Variants in PRKCB observed in about 807,000 individuals in gnomAD.
The protein encoded by PRKCB is protein kinase C beta type.
PRKCB carries 13 observed loss-of-function variants against 81.5 expected under a neutral mutation model. That is an observed-to-expected ratio of 0.16 (90% confidence interval 0.10 to 0.25). PRKCB has a LOEUF of 0.25. PRKCB is among the 10% of genes least tolerant of loss of function. The pLI, the probability that PRKCB is intolerant of heterozygous loss-of-function variation, is 1.00. For synonymous variants in PRKCB, 335 were observed against 321.4 expected (o/e 1.04, Z -0.45); for missense variants, 509 against 875.7 (o/e 0.58, Z 5.29).
At chr16:24,177,679 C>T (rs1417490737) in intron 12 of PRKCB, among the ~76,000 whole-genome samples, 1 of 152,104 alleles carries the variant, frequency 6.6e-6, no homozygotes, top group Non-Finnish European at 1.5e-5. Flanking sequence ...AGAAGAGGGT[C>T]TTAATAGCAA....
chr16:24,112,589 T>A (rs1374852093), intron 7 of PRKCB, among the ~76,000 whole-genome samples: 17 of 152,104 alleles, frequency 1.1e-4, no homozygotes, highest in Admixed American at 1.0e-3. Flanking sequence ...CGATGAGGGA[T>A]CTTCATAGCA....
intron 2 of PRKCB, among the ~76,000 whole-genome samples, chr16:23,867,858 G>A (rs1427946976): frequency 1.3e-5 from 2 of 152,152 alleles, no homozygotes; most frequent in Non-Finnish European, 2.9e-5. Context: ...TTCCCTGTTA[G>A]CCAAACACTT....
chr16:23,975,737 AAAT>A (rs1411812140), intron 2 of PRKCB, among the ~76,000 whole-genome samples: 1 of 152,186 alleles, frequency 6.6e-6, no homozygotes, highest in Non-Finnish European at 1.5e-5. Context: ...CCAAGCTCCT[AAAT>A]AATAATAATA....
At chr16:23,976,673 A>G (rs1964631745) in intron 2 of PRKCB, among the ~76,000 whole-genome samples, 1 of 152,200 alleles carries the variant, frequency 6.6e-6, no homozygotes, top group South Asian at 2.1e-4. Flanking sequence ...CTGCTGCTGG[A>G]TATGGCTGGT....
At chr16:23,953,004 T>A (rs1037052297) in intron 2 of PRKCB, among the ~76,000 whole-genome samples, 4 of 152,188 alleles carry the variant, frequency 2.6e-5, no homozygotes, top group Non-Finnish European at 5.9e-5. Flanking sequence ...GAGGGGCATT[T>A]ATTCATTGCT....
At chr16:24,185,605 C>T in intron 15 of PRKCB, 38 bp downstream of exon 15, 1 of 1,545,782 alleles carries the variant, frequency 6.5e-7, no homozygotes, top group Non-Finnish European at 8.9e-7. Flanking sequence ...AGGACCACCA[C>T]ATAAAGGCAT....
At chr16:23,920,128 G>A (rs1248077808) in intron 2 of PRKCB, among the ~76,000 whole-genome samples, 3 of 152,266 alleles carry the variant, frequency 2.0e-5, no homozygotes. Flanking sequence ...CAGTGCACAA[G>A]GATTTTTCCA....
intron 2 of PRKCB, among the ~76,000 whole-genome samples, chr16:23,885,458 G>A (rs776479981): frequency 3.3e-5 from 5 of 152,016 alleles, no homozygotes; most frequent in African/African-American, 1.2e-4. Context: ...ATAGGCGCCC[G>A]CCACCACGCC....
At chr16:23,882,930 G>A (rs1309879870) in intron 2 of PRKCB, among the ~76,000 whole-genome samples, 2 of 152,010 alleles carry the variant, frequency 1.3e-5, no homozygotes, top group Non-Finnish European at 2.9e-5. Context: ...TCCTGAAGTG[G>A]AATTGCTGAT....
intron 2 of PRKCB, among the ~76,000 whole-genome samples, chr16:23,957,097 T>C (rs1377645216): frequency 6.6e-6 from 1 of 151,880 alleles, no homozygotes; most frequent in Non-Finnish European, 1.5e-5. Flanking sequence ...ACAGTTTCAA[T>C]TATGTAAAAA....
chr16:24,006,432 C>T (rs746335381), intron 3 of PRKCB, among the ~76,000 whole-genome samples: 5 of 152,208 alleles, frequency 3.3e-5, no homozygotes, highest in East Asian at 1.9e-4. Context: ...GCTCCCCATC[C>T]GAGGATAGTA....
chr16:24,118,167 C>T (rs752157924), intron 8 of PRKCB, among the ~76,000 whole-genome samples: 1 of 152,208 alleles, frequency 6.6e-6, no homozygotes, highest in Non-Finnish European at 1.5e-5. Flanking sequence ...AGTTCTGCCA[C>T]CTCCTTGCTG....
chr16:23,996,580 G>A (rs1354923907), intron 3 of PRKCB, among the ~76,000 whole-genome samples: 1 of 152,198 alleles, frequency 6.6e-6, no homozygotes, highest in Non-Finnish European at 1.5e-5. Flanking sequence ...TAGACATGCT[G>A]GATACAGATT....
In PRKCB at chr16:24,219,091, T is replaced by C. The variant is rs1968278673; in HGVS notation, c.*4275T>C. ...GGACCCTGAAGAGGTCGGAGCATCATACAGATTCCTTTATTAGCCCACATT... is the reference window on the plus strand; with the variant it reads ...GGACCCTGAAGAGGTCGGAGCATCACACAGATTCCTTTATTAGCCCACATT... On this transcript the variant is annotated 3_prime_UTR_variant, in exon 17 of 17. Transcript: ENST00000643927. The C allele has an allele frequency of 1.0e-6, 1 of 985,322 alleles. No homozygotes were observed. The highest frequency in any genetic ancestry group is 1.7e-5 in the African/African-American group (1 of 57,216). 61.0% of individuals were successfully genotyped at this position (985,322 alleles called of 1,614,324 possible). A position where few individuals can be genotyped will look rare whatever the true frequency, so the allele number is the denominator to read the frequency against.
chr16:24,012,810 C>T (rs146689466), intron 3 of PRKCB, among the ~76,000 whole-genome samples: 3 of 152,230 alleles, frequency 2.0e-5, no homozygotes, highest in East Asian at 1.9e-4. Flanking sequence ...CGTGCTCTGG[C>T]GTCAGGGTCC....
intron 8 of PRKCB, among the ~76,000 whole-genome samples, chr16:24,117,351 G>T (rs551089295): frequency 1.7e-4 from 26 of 152,306 alleles, no homozygotes; most frequent in Middle Eastern, 3.4e-3. Context: ...TTTGCTTAGG[G>T]GGCTTTCAGT....
chr16:24,154,917 A>G, intron 10 of PRKCB, 60 bp downstream of exon 10: 1 of 1,549,204 alleles, frequency 6.5e-7, no homozygotes, highest in Admixed American at 1.9e-5. Flanking sequence ...CTTTGGCCAA[A>G]GCTATCTTAG....
At position 24,219,313 on chromosome 16, in the gene PRKCB, TTC is replaced by T; in HGVS notation, c.*4503_*4504del. ...CACACCCTCCTTTAAGCTTTGGGTT[TTC>T]TCTCTTATAGTTTGTTGACACATGC... On this transcript the variant is annotated 3_prime_UTR_variant, in exon 17 of 17. Coordinates refer to ENST00000643927, the MANE Select transcript of PRKCB (RefSeq NM_002738.7). 1.0e-6 allele frequency: 1 copy of T among 965,912 alleles called. No homozygotes were observed. Among genetic ancestry groups the T allele is most frequent in the African/African-American group, 2.0e-5 (1 of 49,438 alleles). The allele number at this position is 965,912 out of a possible 1,614,324, so 59.8% of individuals were successfully genotyped here. A position where few individuals can be genotyped will look rare whatever the true frequency, so the allele number is the denominator to read the frequency against.
intron 2 of PRKCB, among the ~76,000 whole-genome samples, chr16:23,929,024 A>G (rs1313609779): frequency 5.3e-5 from 8 of 151,970 alleles, no homozygotes; most frequent in African/African-American, 1.4e-4. Flanking sequence ...GCCTGTATCC[A>G]GTGTTTAAGG....
Sources: gnomAD v4.1 joint callset for allele counts (sites outside exome capture counted in the v4.1 genomes callset) on GRCh38, gnomAD v4.1.1 for gene constraint, MANE v1.5 for transcripts, NCBI Gene and HGNC (gene_info 2026-07-23, HGNC 2026-07-21) for gene names.